CFLAR: variants seen among roughly 807,000 people sequenced by gnomAD.
CFLAR encodes the protein CASP8 and FADD like apoptosis regulator, also known as CASP8 and FADD-like apoptosis regulator.
A neutral mutation model predicts 51.1 loss-of-function variants in CFLAR; 14 were observed. That is an observed-to-expected ratio of 0.27 (90% CI 0.18 to 0.43). The LOEUF (loss-of-function observed/expected upper bound fraction) is 0.43, where lower values mean the gene tolerates loss of function less well. Ranked by LOEUF, CFLAR falls within the 20% of genes least tolerant of loss-of-function variation. The probability of loss-of-function intolerance (pLI) is 1.00; values close to 1 mark genes in which losing one functional copy is unlikely to be tolerated. For synonymous variants in CFLAR, 210 were observed against 211.6 expected (o/e 0.99, Z 0.06); for missense variants, 390 against 566.5 (o/e 0.69, Z 3.16).
chr2:201,128,072 A>C (rs1430660648), intron 1 of CFLAR, among the ~76,000 whole-genome samples: 2 of 152,158 alleles, frequency 1.3e-5, no homozygotes, highest in African/African-American at 2.4e-5. Flanking sequence ...TATGTCAGTG[A>C]ATTTGTATAA....
At position 201,140,428 on chromosome 2, in the gene CFLAR, A is replaced by G. The variant is rs1409981870; in HGVS notation, c.595A>G (p.Asn199Asp). ...AIQKSLKDPSNNFRLHNGRSK... is the reference protein window; with the variant it reads ...AIQKSLKDPSDNFRLHNGRSK... ...CCAAAAGAGTCTCAAGGATCCTTCAAATAACTTCAGGGTGAGTCTGGAGAA... is the reference window on the plus strand; with the variant it reads ...CCAAAAGAGTCTCAAGGATCCTTCAGATAACTTCAGGGTGAGTCTGGAGAA... Residue 199 changes from asparagine to aspartate, a missense_variant, in exon 5 of 10, where the codon AAT (asparagine) becomes GAT (aspartate). Physicochemically the swap from Asn to Asp is conservative, Grantham distance 23. This residue lies in a region of CFLAR where 287 missense variants were observed against 363.6 expected (regional missense o/e 0.79). Coordinates refer to ENST00000309955, the MANE Select transcript of CFLAR (RefSeq NM_003879.7). The G allele has an allele frequency of 4.4e-6, 7 of 1,604,078 alleles. No individual in the cohort carries two copies. The highest frequency in any genetic ancestry group is 2.7e-5 in the African/African-American group (2 of 74,390).
intron 9 of CFLAR, among the ~76,000 whole-genome samples, chr2:201,161,151 T>A (rs781253476): frequency 6.6e-6 from 1 of 152,232 alleles, no homozygotes; most frequent in Non-Finnish European, 1.5e-5. Flanking sequence ...GTTTGAATAC[T>A]TTTCTTTAAA....
intron 9 of CFLAR, chr2:201,163,513 C>T: frequency 8.8e-7 from 1 of 1,141,156 alleles, no homozygotes; most frequent in Non-Finnish European, 1.1e-6. Flanking sequence ...AGCCACTCAG[C>T]CTTCCAAGAT....
chr2:201,142,386 A>C (rs996625255), intron 5 of CFLAR, among the ~76,000 whole-genome samples: 5 of 152,110 alleles, frequency 3.3e-5, no homozygotes, highest in Non-Finnish European at 5.9e-5. Context: ...TCTGTAAGAG[A>C]CACTACTGAG....
At chr2:201,148,145 TTAA>T (rs1175827536) in intron 6 of CFLAR, 1 of 152,172 alleles carries the variant, frequency 6.6e-6, no homozygotes, top group African/African-American at 2.4e-5. Context: ...ATAGCTGCTA[TTAA>T]TGTTTGATTT....
chr2:201,138,469 G>T lies in CFLAR; in HGVS notation c.524-1888G>T. 1 of 939,998 alleles carries T rather than the reference G, an allele frequency of 1.1e-6. No homozygotes were observed. Among genetic ancestry groups the T allele is most frequent in the Non-Finnish European group, 1.7e-6 (1 of 574,198 alleles). 58.2% of individuals were successfully genotyped at this position (939,998 alleles called of 1,614,324 possible). On this transcript the variant is annotated intron_variant, in intron 4 of 9. Transcript: ENST00000309955. This position sits in a 1 kb window ranked among gnomAD's most constrained non-coding sequence, Gnocchi z 4.0. The stretch of plus-strand genomic sequence containing the variant: ...CTTACTAAGCTGCAGGATCTCATTT[G>T]CCTCTTTCAACCTCACACTGCTGGA...
chr2:201,127,468 A>C (rs1025153931), intron 1 of CFLAR, among the ~76,000 whole-genome samples: 2 of 151,992 alleles, frequency 1.3e-5, no homozygotes, highest in African/African-American at 4.8e-5. Context: ...CAGCCTGAGA[A>C]ACACAGTGGG....
At chr2:201,156,664 C>T (rs1336463706) in intron 8 of CFLAR, among the ~76,000 whole-genome samples, 1 of 152,094 alleles carries the variant, frequency 6.6e-6, no homozygotes, top group Non-Finnish European at 1.5e-5. Flanking sequence ...TGACCCTAGC[C>T]TTGAATGAAC....
intron 1 of CFLAR, among the ~76,000 whole-genome samples, chr2:201,121,162 G>C (rs534672566): frequency 6.6e-6 from 1 of 152,226 alleles, no homozygotes; most frequent in East Asian, 1.9e-4. Context: ...GCCATGGCTG[G>C]ATTATGTTAA....
Position 201,166,832 on chromosome 2 carries a change from C to T in CFLAR, c.*2859C>T, listed in dbSNP as rs139574890. 7.6e-5 allele frequency: 12 copies of T among 157,512 alleles called. No individual in the cohort carries two copies. In the East Asian group the frequency reaches 1.3e-3, roughly 17 times the overall value. 9.8% of individuals were successfully genotyped at this position (157,512 alleles called of 1,614,324 possible). On this transcript the variant is annotated 3_prime_UTR_variant, in exon 10 of 10. Coordinates refer to ENST00000309955, the MANE Select transcript of CFLAR (RefSeq NM_003879.7). ...AAATACGAAAACCAGTCAGGCGTGG[C>T]GGCGCCCGCAATGGCAGGCACGCGG...
chr2:201,120,817 C>T (rs2125594645), intron 1 of CFLAR, among the ~76,000 whole-genome samples: 1 of 152,216 alleles, frequency 6.6e-6, no homozygotes, highest in Non-Finnish European at 1.5e-5. Context: ...TTACTTGCAG[C>T]TTTCAAAAGT....
At chr2:201,149,707 A>G (rs1203804499) in intron 7 of CFLAR, 47 bp from the exon 8 acceptor site, 3 of 1,459,452 alleles carry the variant, frequency 2.1e-6, no homozygotes, top group Non-Finnish European at 1.9e-6. Flanking sequence ...CCTTATAGAA[A>G]CAGAGCAATA....
chr2:201,132,237 G>A (rs539800635), intron 2 of CFLAR, among the ~76,000 whole-genome samples: 25 of 152,006 alleles, frequency 1.6e-4, no homozygotes, highest in Non-Finnish European at 3.4e-4. Context: ...GCTTCATTGT[G>A]TATTGGTGCT....
Position 201,149,783 on chromosome 2 carries a change from G to C in CFLAR, c.741G>C (p.Lys247Asn). The part of the protein sequence containing the change: ...QSIPEERYKM[K>N]SKPLGICLII... ...TACCTGAAGAGAGATACAAGATGAA[G>C]AGCAAGCCCCTAGGAATCTGCCTGA... Residue 247 changes from lysine (K) to asparagine (N), a missense_variant, in exon 8 of 10, where the codon AAG (lysine) becomes AAC (asparagine). Lys to Asn is a moderately conservative substitution (Grantham distance 94). This residue lies in a region of CFLAR where 287 missense variants were observed against 363.6 expected (regional missense o/e 0.79). Coordinates refer to ENST00000309955, the MANE Select transcript of CFLAR (RefSeq NM_003879.7). 1 of 1,613,816 alleles carries C rather than the reference G, an allele frequency of 6.2e-7. No homozygotes were observed.
rs1373584119 is a variant in CFLAR at position 201,174,968 on chromosome 2, T to C, written c.*10995T>C. 1 of 152,142 alleles carries C rather than the reference T, an allele frequency of 6.6e-6. No individual in the cohort carries two copies. Among genetic ancestry groups the C allele is most frequent in the East Asian group, 1.9e-4 (1 of 5,200 alleles). The allele number at this position is 152,142 out of a possible 1,614,324, so 9.4% of individuals were successfully genotyped here. A position where few individuals can be genotyped will look rare whatever the true frequency, so the allele number is the denominator to read the frequency against. On this transcript the variant is annotated 3_prime_UTR_variant, in exon 10 of 10. Transcript: ENST00000309955. Reference sequence around the variant, plus strand: ...GCTGCCCATTCTATGGTAATTATAATACATTAGCACGCTAAAAGAAACTTC... The same window carrying C: ...GCTGCCCATTCTATGGTAATTATAACACATTAGCACGCTAAAAGAAACTTC...
chr2:201,163,054 G>A (rs142699956), intron 9 of CFLAR: 81 of 756,568 alleles, frequency 1.1e-4, no homozygotes, highest in East Asian at 1.0e-3. Context: ...TTCAAGCCTC[G>A]GATGCATCTT....
At chr2:201,130,832 A>T (rs567391914) in intron 2 of CFLAR, among the ~76,000 whole-genome samples, 1 of 152,172 alleles carries the variant, frequency 6.6e-6, no homozygotes, top group Non-Finnish European at 1.5e-5. Context: ...AGTGTTTACT[A>T]GTTCATTTTC....
At chr2:201,133,518 C>T (rs2049602220) in intron 3 of CFLAR, among the ~76,000 whole-genome samples, 1 of 152,100 alleles carries the variant, frequency 6.6e-6, no homozygotes, top group Non-Finnish European at 1.5e-5. Flanking sequence ...CTACTGCCAT[C>T]TATTTCTCCT....
chr2:201,147,287 G>T (rs1211664016), intron 6 of CFLAR, among the ~76,000 whole-genome samples: 1 of 152,172 alleles, frequency 6.6e-6, no homozygotes, highest in African/African-American at 2.4e-5. Flanking sequence ...CCAGCACTTT[G>T]GGAGGTCGAG....
Sources: gnomAD v4.1 joint callset for allele counts (sites outside exome capture counted in the v4.1 genomes callset) on GRCh38, gnomAD v4.1.1 for gene constraint, gnomAD v4.1.1 regional missense constraint, Gnocchi (gnomAD v3.1) non-coding constraint, MANE v1.5 for transcripts, NCBI Gene and HGNC (gene_info 2026-07-23, HGNC 2026-07-21) for gene names.